Variants in KCNH1 observed in about 807,000 individuals in gnomAD.
KCNH1 encodes the protein potassium voltage-gated channel subfamily H member 1.
A neutral mutation model predicts 69.2 loss-of-function variants in KCNH1; 27 were observed. The ratio of observed to expected loss-of-function variants is 0.39; its 90% confidence interval spans 0.29 to 0.54. The LOEUF is 0.54. KCNH1 is among the 20% of genes least tolerant of loss of function. KCNH1 has a pLI of 0.68. For missense variants in KCNH1, 798 were observed against 1,261.6 expected, an observed-to-expected ratio of 0.63 and a Z score of 5.57; for synonymous variants, 456 against 487.7, an observed-to-expected ratio of 0.93 and a Z score of 0.86.
chr1:211,075,945 A>G (rs990447311), intron 5 of KCNH1, among the ~76,000 whole-genome samples: 1 of 152,364 alleles, frequency 6.6e-6, no homozygotes, highest in East Asian at 1.9e-4. Flanking sequence ...CACCTGGCTC[A>G]GCCGATCCCA....
intron 3 of KCNH1, among the ~76,000 whole-genome samples, chr1:211,100,815 T>G (rs188884408): frequency 1.3e-5 from 2 of 152,306 alleles, no homozygotes; most frequent in Admixed American, 1.3e-4. Context: ...CTACTCAGAG[T>G]GTGATCTGTG....
chr1:211,002,248 G>T (rs1022748965), intron 6 of KCNH1, among the ~76,000 whole-genome samples: 2 of 144,796 alleles, frequency 1.4e-5, no homozygotes, highest in Non-Finnish European at 3.0e-5. Context: ...ATATGTATAC[G>T]TATATATATA....
At chr1:210,690,457 C>T (rs759079414) in intron 10 of KCNH1, among the ~76,000 whole-genome samples, 3 of 152,160 alleles carry the variant, frequency 2.0e-5, no homozygotes, top group South Asian at 2.1e-4. Flanking sequence ...TAGCTTTCCT[C>T]GTGGTTTCCT....
intron 6 of KCNH1, among the ~76,000 whole-genome samples, chr1:210,997,618 T>C (rs1378802578): frequency 6.6e-6 from 1 of 152,158 alleles, no homozygotes; most frequent in African/African-American, 2.4e-5. Flanking sequence ...ACTTCCCCAA[T>C]TTAGCACGAC....
intron 7 of KCNH1, among the ~76,000 whole-genome samples, chr1:210,917,702 C>A (rs1019557516): frequency 1.4e-4 from 22 of 152,108 alleles, no homozygotes; most frequent in African/African-American, 5.3e-4. Flanking sequence ...GCTCATCTCC[C>A]CCTCCCTCTA....
At chr1:210,763,195 A>G (rs971550927) in intron 10 of KCNH1, among the ~76,000 whole-genome samples, 7 of 152,170 alleles carry the variant, frequency 4.6e-5, no homozygotes. Context: ...GAAAACCCTC[A>G]AAAAACTGGG....
intron 6 of KCNH1, among the ~76,000 whole-genome samples, chr1:210,927,327 T>C (rs1454636608): frequency 2.0e-5 from 3 of 152,174 alleles, no homozygotes; most frequent in Admixed American, 2.0e-4. Context: ...TCAGGTAACC[T>C]ATAAAGGAAA....
Position 210,924,328 on chromosome 1 carries a change from T to C in KCNH1, c.1033-4259A>G, listed in dbSNP as rs543727431. ...TTTGCAGAAAGGGTCTTGAATATTTTCTAAACTAAATTGAAGTTTGAATTA... is the reference window on the plus strand; with the variant it reads ...TTTGCAGAAAGGGTCTTGAATATTTCCTAAACTAAATTGAAGTTTGAATTA... On this transcript the variant is annotated intron_variant, in intron 6 of 10. Transcript: ENST00000271751. Among the ~76,000 whole-genome samples, 7 of 152,382 alleles carry C rather than the reference T, an allele frequency of 4.6e-5. No homozygotes were observed. The South Asian group carries it at 1.4e-3, about 32-fold the overall frequency.
intron 7 of KCNH1, among the ~76,000 whole-genome samples, chr1:210,813,960 G>C (rs1167740637): frequency 2.6e-5 from 4 of 152,186 alleles, no homozygotes; most frequent in Admixed American, 2.6e-4. Flanking sequence ...CATGTAAGAT[G>C]TGCCTTTTGC....
chr1:210,785,503 T>A (rs1326855666), intron 9 of KCNH1, among the ~76,000 whole-genome samples: 1 of 151,944 alleles, frequency 6.6e-6, no homozygotes, highest in Non-Finnish European at 1.5e-5. Flanking sequence ...CAAGCGGTTC[T>A]CCTACCCAGT....
chr1:210,685,518 G>T (rs1251843056), intron 10 of KCNH1, among the ~76,000 whole-genome samples: 1 of 152,192 alleles, frequency 6.6e-6, no homozygotes, highest in Non-Finnish European at 1.5e-5. Flanking sequence ...AAAGAACTAA[G>T]TTTAAGTCCC....
At chr1:210,746,024 C>T (rs1449112258) in intron 10 of KCNH1, among the ~76,000 whole-genome samples, 1 of 152,154 alleles carries the variant, frequency 6.6e-6, no homozygotes, top group African/African-American at 2.4e-5. Flanking sequence ...CAGCCACACA[C>T]ACAGAGAGAG....
chr1:210,764,018 CAG>C (rs1683572534), intron 10 of KCNH1, among the ~76,000 whole-genome samples: 1 of 152,064 alleles, frequency 6.6e-6, no homozygotes, highest in South Asian at 2.1e-4. Flanking sequence ...GGTACAAAAA[CAG>C]ATGAATACAC....
intron 7 of KCNH1, among the ~76,000 whole-genome samples, chr1:210,897,379 A>C (rs1294574792): frequency 2.6e-5 from 4 of 152,154 alleles, no homozygotes; most frequent in African/African-American, 9.7e-5. Context: ...CAAGAAAAAT[A>C]AGTACCTACT....
intron 9 of KCNH1, among the ~76,000 whole-genome samples, chr1:210,788,685 C>CTTTTTTTTTTTTTTTT (rs139485350): frequency 2.5e-5 from 2 of 80,712 alleles, no homozygotes; most frequent in Admixed American, 1.6e-4. Flanking sequence ...TAGCTTCTTT[C>CTTTTTTTTTTTTTTTT]TTTTTTTTTT....
At chr1:210,788,483 T>C (rs1213708385) in intron 9 of KCNH1, among the ~76,000 whole-genome samples, 1 of 152,170 alleles carries the variant, frequency 6.6e-6, no homozygotes, top group East Asian at 1.9e-4. Context: ...AAATTTCCTT[T>C]AGAAAGATCA....
chr1:210,765,213 G>T (rs766757780), intron 10 of KCNH1, among the ~76,000 whole-genome samples: 4 of 152,016 alleles, frequency 2.6e-5, no homozygotes, highest in African/African-American at 4.8e-5. Flanking sequence ...AAAACTGGGG[G>T]TGGGGGTACA....
At chr1:210,880,032 C>T (rs1431021105) in intron 7 of KCNH1, among the ~76,000 whole-genome samples, 1 of 151,902 alleles carries the variant, frequency 6.6e-6, no homozygotes, top group African/African-American at 2.4e-5. Flanking sequence ...ATAACTCAAA[C>T]GAATGTGTTT....
chr1:210,765,472 A>G (rs1474827730), intron 10 of KCNH1, among the ~76,000 whole-genome samples: 1 of 152,222 alleles, frequency 6.6e-6, no homozygotes, highest in Non-Finnish European at 1.5e-5. Context: ...TCTAACTCCA[A>G]TTAGCTTAAT....
Sources: gnomAD v4.1 joint callset for allele counts (sites outside exome capture counted in the v4.1 genomes callset) on GRCh38, gnomAD v4.1.1 for gene constraint, MANE v1.5 for transcripts, NCBI Gene and HGNC (gene_info 2026-07-23, HGNC 2026-07-21) for gene names.